The following HLTF variants were observed in gnomAD, a reference collection of about 807,000 sequenced individuals.
The protein encoded by HLTF is DNA-dependent ATPase/E3 ubiquitin-protein ligase HLTF.
HLTF carries 127 observed loss-of-function variants against 129.4 expected under a neutral mutation model. That is an observed-to-expected ratio of 0.98 (90% confidence interval 0.85 to 1.14). The LOEUF (loss-of-function observed/expected upper bound fraction) is 1.14. Among genes scored for constraint, HLTF ranks in the 50% most tolerant of loss-of-function variants. HLTF has a pLI of 0.00. For synonymous variants in HLTF, 332 were observed against 388.8 expected, an observed-to-expected ratio of 0.85 and a Z score of 1.72; for missense variants, 1,139 against 1,187.1, an observed-to-expected ratio of 0.96 and a Z score of 0.60.
In HLTF at chr3:149,041,488, AC is replaced by A. The variant is rs1559857065; in HGVS notation, c.2376+1del. 6.2e-7 allele frequency: 1 copy of A among 1,610,800 alleles called. No homozygotes were observed. Among genetic ancestry groups the A allele is most frequent in the East Asian group, 2.2e-5 (1 of 44,786 alleles). On this transcript the variant is annotated splice_donor_variant, in intron 20 of 24. Coordinates refer to ENST00000310053, the MANE Select transcript of HLTF (RefSeq NM_003071.4). LOFTEE classifies it high-confidence loss of function. ...TGAACCTGTACTGAGCAAAAAACTAACCTGCTCATTCTGAATGACTTGGCAA... is the reference window on the plus strand; with the variant it reads ...TGAACCTGTACTGAGCAAAAAACTAACTGCTCATTCTGAATGACTTGGCAA...
intron 14 of HLTF, among the ~76,000 whole-genome samples, chr3:149,053,834 GT>G (rs1474605170): frequency 5.9e-5 from 9 of 152,012 alleles, no homozygotes; most frequent in Non-Finnish European, 1.2e-4. Context: ...CAGTTAGATA[GT>G]TTATACCTCC....
At position 149,031,622 on chromosome 3, in the gene HLTF, A is replaced by G. The variant is rs1410903659; in HGVS notation, c.*598T>C. ...AACATAATCCCTAATTTTTTCATGA[A>G]CATAAAACTCCAAGTCATTTATGTG... On this transcript the variant is annotated 3_prime_UTR_variant, in exon 25 of 25. Transcript: ENST00000310053. 6.6e-6 allele frequency: 1 copy of G among 152,330 alleles called. No homozygotes were observed. The highest frequency in any genetic ancestry group is 2.4e-5 in the African/African-American group (1 of 41,468). The allele number at this position is 152,330 out of a possible 1,614,324, so 9.4% of individuals were successfully genotyped here. A position where few individuals can be genotyped will look rare whatever the true frequency, so the allele number is the denominator to read the frequency against.
chr3:149,071,482 A>G, intron 6 of HLTF, 39 bp from the exon 7 acceptor site: 1 of 1,542,262 alleles, frequency 6.5e-7, no homozygotes, highest in South Asian at 1.1e-5. Context: ...ACATTAAGCC[A>G]TTCCTTTTTC....
chr3:149,070,092 C>A (rs996980523), intron 7 of HLTF, among the ~76,000 whole-genome samples: 1 of 152,126 alleles, frequency 6.6e-6, no homozygotes, highest in Admixed American at 6.5e-5. Flanking sequence ...TTTAACAAAA[C>A]AGGGTATAAA....
chr3:149,067,528 G>C (rs1036344455), intron 8 of HLTF, among the ~76,000 whole-genome samples: 3 of 151,776 alleles, frequency 2.0e-5, no homozygotes, highest in Admixed American at 6.6e-5. Context: ...TTAGAGACAG[G>C]GTCTCACAGT....
chr3:149,034,891 C>G, intron 24 of HLTF, 27 bp downstream of exon 24: 5 of 1,481,606 alleles, frequency 3.4e-6, no homozygotes, highest in Non-Finnish European at 4.7e-6. Flanking sequence ...TCAACCTAGT[C>G]TTAAAATAGT....
intron 14 of HLTF, among the ~76,000 whole-genome samples, chr3:149,053,282 T>C (rs1717153033): frequency 6.6e-6 from 1 of 152,184 alleles, no homozygotes; most frequent in Non-Finnish European, 1.5e-5. Context: ...AGGTGGAAGG[T>C]GTATGGCTCA....
At chr3:149,054,840 G>C (rs1717290013) in intron 14 of HLTF, among the ~76,000 whole-genome samples, 1 of 152,134 alleles carries the variant, frequency 6.6e-6, no homozygotes, top group African/African-American at 2.4e-5. Flanking sequence ...TGGAAAATCA[G>C]GGTAACAGTT....
intron 14 of HLTF, among the ~76,000 whole-genome samples, chr3:149,053,294 A>G (rs1717154360): frequency 6.6e-6 from 1 of 152,298 alleles, no homozygotes; most frequent in Non-Finnish European, 1.5e-5. Context: ...TATGGCTCAT[A>G]GCGGTGGATC....
chr3:149,079,063 A>G (rs572738662), intron 2 of HLTF, among the ~76,000 whole-genome samples: 2 of 152,316 alleles, frequency 1.3e-5, no homozygotes, highest in Admixed American at 1.3e-4. Flanking sequence ...AAGATAGGTC[A>G]ATTGAGATTA....
At chr3:149,035,126 C>T in intron 23 of HLTF, 128 bp from the exon 24 acceptor site, 1 of 711,776 alleles carries the variant, frequency 1.4e-6, no homozygotes, top group Non-Finnish European at 2.5e-6. Flanking sequence ...AAGTCAGATA[C>T]TAACATCACA....
At chr3:149,040,705 T>C (rs1256815119) in intron 20 of HLTF, among the ~76,000 whole-genome samples, 1 of 152,024 alleles carries the variant, frequency 6.6e-6, no homozygotes, top group African/African-American at 2.4e-5. Flanking sequence ...ATTAAATAAT[T>C]CTGAAGCTAA....
chr3:149,069,472 G>GAAAA (rs36037300), intron 7 of HLTF, among the ~76,000 whole-genome samples: 3 of 122,740 alleles, frequency 2.4e-5, no homozygotes, highest in Admixed American at 8.5e-5. Flanking sequence ...TCCATCTCAA[G>GAAAA]AAAAAAAAAA....
chr3:149,073,069 A>T (rs527570919), intron 5 of HLTF, among the ~76,000 whole-genome samples, 156 bp downstream of exon 5: 3 of 152,316 alleles, frequency 2.0e-5, no homozygotes, highest in African/African-American at 7.2e-5. Context: ...ATGTTAACAT[A>T]TATATATTCT....
chr3:149,036,914 C>T lies in HLTF; in HGVS notation c.2797-1916G>A, dbSNP rs556519864. ...TCAACTTACTATAAAACTGCTAAAA[C>T]GTTCTGTAAATTTTTAAAAACTGTT... On this transcript the variant is annotated intron_variant, in intron 23 of 24. Coordinates refer to ENST00000310053, the MANE Select transcript of HLTF (RefSeq NM_003071.4). 8.5e-5 allele frequency among the ~76,000 whole-genome samples: 13 copies of T among 152,236 alleles called. 1 individual carries two copies. Among genetic ancestry groups the T allele is most frequent in the African/African-American group, 2.4e-4 (10 of 41,548 alleles).
intron 9 of HLTF, among the ~76,000 whole-genome samples, chr3:149,064,279 T>C (rs1419328743): frequency 6.6e-6 from 1 of 152,194 alleles, no homozygotes; most frequent in Non-Finnish European, 1.5e-5. Context: ...AATTGTTATT[T>C]ACAATTTTTC....
intron 2 of HLTF, among the ~76,000 whole-genome samples, chr3:149,077,064 T>C (rs1160272363): frequency 2.0e-5 from 3 of 151,872 alleles, no homozygotes; most frequent in African/African-American, 7.3e-5. Context: ...CTAGCCAACA[T>C]GGTGAGACCC....
rs147909210 is a variant in HLTF at position 149,050,305 on chromosome 3, A to G, written c.1544T>C (p.Ile515Thr). Reference sequence around the variant, plus strand: ...TTTTGAAAGTAAGGCCGGTTCTCTAATACGATCAGGACCATAATAAACATA... The same window carrying G: ...TTTTGAAAGTAAGGCCGGTTCTCTAGTACGATCAGGACCATAATAAACATA... Reference protein sequence around the residue: ...NFYVYYGPDRIREPALLSKQD... With the variant: ...NFYVYYGPDRTREPALLSKQD... The change falls in exon 15 of 25, where the codon ATT becomes ACT. Residue 515 changes from isoleucine (I) to threonine (T), a missense_variant. By Grantham distance (89) the Ile-to-Thr change is moderately conservative. Transcript: ENST00000310053. The G allele has an allele frequency of 8.1e-6, 13 of 1,600,108 alleles. No individual in the cohort carries two copies. Among genetic ancestry groups the G allele is most frequent in the Non-Finnish European group, 1.1e-5 (13 of 1,168,100 alleles).
chr3:149,071,558 T>TAAATA (rs776843860), intron 6 of HLTF, 25 bp downstream of exon 6: 1 of 1,532,378 alleles, frequency 6.5e-7, no homozygotes, highest in Admixed American at 1.7e-5. Flanking sequence ...TGAGTAGTCT[T>TAAATA]AAATAAAAAA....
Sources: gnomAD v4.1 joint callset for allele counts (sites outside exome capture counted in the v4.1 genomes callset) on GRCh38, gnomAD v4.1.1 for gene constraint, MANE v1.5 for transcripts, NCBI Gene and HGNC (gene_info 2026-07-23, HGNC 2026-07-21) for gene names.